SKAP2: variants seen among roughly 807,000 people sequenced by gnomAD.
SKAP2 encodes src kinase-associated phosphoprotein 2.
SKAP2 carries 28 observed loss-of-function variants against 54.9 expected under a neutral mutation model. The observed-to-expected ratio is 0.51, with a 90% confidence interval of 0.38 to 0.70. The LOEUF (loss-of-function observed/expected upper bound fraction) is 0.70, where lower values mean the gene tolerates loss of function less well. Ranked by LOEUF, SKAP2 falls within the 30% of genes least tolerant of loss-of-function variation. The probability of loss-of-function intolerance (pLI) is 0.00; values close to 1 mark genes in which losing one functional copy is unlikely to be tolerated. For missense variants in SKAP2, 356 were observed against 424.1 expected, an observed-to-expected ratio of 0.84 and a Z score of 1.41; for synonymous variants, 137 against 134.3, an observed-to-expected ratio of 1.02 and a Z score of -0.14.
intron 9 of SKAP2, among the ~76,000 whole-genome samples, chr7:26,699,882 C>T (rs896595936): frequency 3.9e-5 from 6 of 152,176 alleles, no homozygotes; most frequent in African/African-American, 1.4e-4. Flanking sequence ...TCCCAAAGCA[C>T]ACAATCTCAG....
At chr7:26,813,978 G>A (rs1486122406) in intron 4 of SKAP2, among the ~76,000 whole-genome samples, 1 of 152,102 alleles carries the variant, frequency 6.6e-6, no homozygotes, top group East Asian at 1.9e-4. Context: ...GATATTAGGA[G>A]CAAATTCTCA....
In SKAP2 at chr7:26,732,661, C is replaced by T. The variant is rs536387137; in HGVS notation, c.470-5655G>A. 3.9e-5 allele frequency among the ~76,000 whole-genome samples: 6 copies of T among 152,282 alleles called. No individual in the cohort carries two copies. In the South Asian group the frequency reaches 1.2e-3, roughly 32 times the overall value. The stretch of plus-strand genomic sequence containing the variant: ...GAAAAGAAAAATATGCCCATCAATA[C>T]TAGACCTTGCCACTAAATTTTATCA... On this transcript the variant is annotated intron_variant, in intron 6 of 12. Coordinates refer to ENST00000345317, the MANE Select transcript of SKAP2 (RefSeq NM_003930.5).
intron 4 of SKAP2, among the ~76,000 whole-genome samples, chr7:26,824,973 T>C (rs1262099005): frequency 6.6e-6 from 1 of 152,174 alleles, no homozygotes; most frequent in African/African-American, 2.4e-5. Context: ...TCTTGTGGTT[T>C]TTATTTACCA....
intron 4 of SKAP2, among the ~76,000 whole-genome samples, chr7:26,797,778 A>G (rs1239857603): frequency 6.6e-6 from 1 of 152,126 alleles, no homozygotes; most frequent in African/African-American, 2.4e-5. Context: ...GAAATTCAAG[A>G]TAACACAGAG....
chr7:26,862,439 CAA>C (rs72350381), intron 1 of SKAP2, among the ~76,000 whole-genome samples: 31,759 of 151,662 alleles, frequency 0.21, 3,383 homozygotes, highest in Non-Finnish European at 0.23. Flanking sequence ...TTTCCAATTC[CAA>C]AAGTTTTAAT....
At chr7:26,768,456 T>A (rs759315273) in intron 4 of SKAP2, among the ~76,000 whole-genome samples, 3 of 152,212 alleles carry the variant, frequency 2.0e-5, no homozygotes, top group African/African-American at 4.8e-5. Flanking sequence ...TTGGCCCATT[T>A]ACATTTAAGG....
intron 4 of SKAP2, among the ~76,000 whole-genome samples, chr7:26,782,954 T>A (rs1783459732): frequency 6.6e-6 from 1 of 152,186 alleles, no homozygotes; most frequent in South Asian, 2.1e-4. Flanking sequence ...TACAGCAGCC[T>A]GAATGGACTA....
At chr7:26,765,837 T>C (rs1783039458) in intron 4 of SKAP2, among the ~76,000 whole-genome samples, 1 of 152,214 alleles carries the variant, frequency 6.6e-6, no homozygotes, top group Non-Finnish European at 1.5e-5. Flanking sequence ...TATATCTGTT[T>C]TGGTACCAGT....
chr7:26,700,355 C>T (rs1786994814), intron 9 of SKAP2, among the ~76,000 whole-genome samples: 1 of 152,128 alleles, frequency 6.6e-6, no homozygotes, highest in African/African-American at 2.4e-5. Flanking sequence ...CTCTTTGATA[C>T]TCTATGTTAG....
At chr7:26,819,253 G>A (rs539868924) in intron 4 of SKAP2, among the ~76,000 whole-genome samples, 1 of 152,268 alleles carries the variant, frequency 6.6e-6, no homozygotes, top group East Asian at 1.9e-4. Flanking sequence ...AAAAAAGGAT[G>A]AGTTCATGTC....
At chr7:26,705,963 G>C (rs1339315800) in intron 9 of SKAP2, among the ~76,000 whole-genome samples, 1 of 152,118 alleles carries the variant, frequency 6.6e-6, no homozygotes, top group Non-Finnish European at 1.5e-5. Flanking sequence ...TTTTAAAGTA[G>C]ATGTTGCCAA....
Position 26,764,648 on chromosome 7 carries a change from G to C in SKAP2, c.308-24684C>G, listed in dbSNP as rs565665899. On this transcript the variant is annotated intron_variant, in intron 4 of 12. Coordinates refer to ENST00000345317, the MANE Select transcript of SKAP2 (RefSeq NM_003930.5). ...CTGGGTTACATGTACAGAATGTGCA[G>C]GTTTGTTACATAGGTATCCATGTGC... Among the ~76,000 whole-genome samples, 4 of 151,434 alleles carry C rather than the reference G, an allele frequency of 2.6e-5. No homozygotes were observed. In the South Asian group the frequency reaches 8.3e-4, roughly 31 times the overall value.
chr7:26,700,168 A>G (rs1265189737), intron 9 of SKAP2, among the ~76,000 whole-genome samples: 1 of 152,194 alleles, frequency 6.6e-6, no homozygotes, highest in Non-Finnish European at 1.5e-5. Flanking sequence ...TCAATTAATT[A>G]GCACTCTTTG....
intron 4 of SKAP2, among the ~76,000 whole-genome samples, chr7:26,752,885 C>A (rs3801868): frequency 0.56 from 85,252 of 151,342 alleles, 24,478 homozygotes; most frequent in East Asian, 0.88. Flanking sequence ...ACTTTGTATC[C>A]ACCAAATATC....
intron 4 of SKAP2, among the ~76,000 whole-genome samples, chr7:26,816,574 T>C: frequency 6.6e-6 from 1 of 152,098 alleles, no homozygotes; most frequent in Middle Eastern, 3.2e-3. Flanking sequence ...AATACTAAGA[T>C]ATTAAAAATA....
rs770115039 is a variant in SKAP2 at position 26,843,941 on chromosome 7, T to C, written c.307+89A>G. 2.8e-5 allele frequency: 23 copies of C among 813,320 alleles called. 1 individual carries two copies. In the Admixed American group the frequency reaches 3.1e-4, roughly 11 times the overall value. The allele number at this position is 813,320 out of a possible 1,614,324, so 50.4% of individuals were successfully genotyped here. A position where few individuals can be genotyped will look rare whatever the true frequency, so the allele number is the denominator to read the frequency against. ...AAAGGTAAGTTAACCGAAGCCTCTA[T>C]GTTCATCTGCTTTCTCATAAAACTA... On this transcript the variant is annotated intron_variant, in intron 4 of 12. Coordinates refer to ENST00000345317, the MANE Select transcript of SKAP2 (RefSeq NM_003930.5).
At chr7:26,684,204 C>T (rs964887862) in intron 11 of SKAP2, among the ~76,000 whole-genome samples, 2 of 151,962 alleles carry the variant, frequency 1.3e-5, no homozygotes, top group Non-Finnish European at 2.9e-5. Flanking sequence ...TTATACTTTG[C>T]CATTTTGTTT....
intron 4 of SKAP2, among the ~76,000 whole-genome samples, chr7:26,747,205 G>C (rs1391386781): frequency 6.6e-6 from 1 of 152,154 alleles, no homozygotes; most frequent in Non-Finnish European, 1.5e-5. Flanking sequence ...CTTCAGAAGA[G>C]ATTCACCAAT....
intron 4 of SKAP2, among the ~76,000 whole-genome samples, chr7:26,782,454 C>G (rs1783447551): frequency 6.6e-6 from 1 of 152,168 alleles, no homozygotes; most frequent in African/African-American, 2.4e-5. Flanking sequence ...TAGAAACATG[C>G]TGCTATGGTC....
Sources: gnomAD v4.1 joint callset for allele counts (sites outside exome capture counted in the v4.1 genomes callset) on GRCh38, gnomAD v4.1.1 for gene constraint, MANE v1.5 for transcripts, NCBI Gene and HGNC (gene_info 2026-07-23, HGNC 2026-07-21) for gene names.